The following MAP1B variants were observed in gnomAD, a reference collection of about 807,000 sequenced individuals.
MAP1B encodes the protein microtubule associated protein 1B, also known as microtubule-associated protein 1B.
A neutral mutation model predicts 176.1 loss-of-function variants in MAP1B; 12 were observed. That is an observed-to-expected ratio of 0.07 (90% confidence interval 0.04 to 0.11). The LOEUF (loss-of-function observed/expected upper bound fraction) is 0.11, where lower values mean the gene tolerates loss of function less well. Among genes scored for constraint, MAP1B ranks in the 10% least tolerant of loss-of-function variants. The pLI is 1.00. For missense variants in MAP1B, 2,523 were observed against 2,990.5 expected, an observed-to-expected ratio of 0.84 and a Z score of 3.65; for synonymous variants, 1,044 against 1,135.0, an observed-to-expected ratio of 0.92 and a Z score of 1.61.
intron 5 of MAP1B, 148 bp downstream of exon 5, chr5:72,200,515 A>T: frequency 9.8e-7 from 1 of 1,022,744 alleles, no homozygotes; most frequent in South Asian, 1.6e-5. Context: ...TCCTCTGCCC[A>T]AAGGTATATA....
chr5:72,123,883 C>T (rs905408001), intron 2 of MAP1B, among the ~76,000 whole-genome samples: 3 of 152,122 alleles, frequency 2.0e-5, no homozygotes, highest in African/African-American at 2.4e-5. Context: ...CTCCTGCCCC[C>T]ACTTCCCAAA....
chr5:72,109,479 G>T (rs1745270513), intron 1 of MAP1B, among the ~76,000 whole-genome samples: 1 of 152,138 alleles, frequency 6.6e-6, no homozygotes, highest in Non-Finnish European at 1.5e-5. Context: ...AATGACTTTG[G>T]ATTTTTTTCT....
At chr5:72,162,593 T>TAAAAAAAAATA (rs1554053473) in intron 2 of MAP1B, among the ~76,000 whole-genome samples, 10 of 151,572 alleles carry the variant, frequency 6.6e-5, no homozygotes, top group African/African-American at 2.4e-4. Context: ...GAAATATTTC[T>TAAAAAAAAATA]AAAAAAAAAT....
rs779726177 is a variant in MAP1B at position 72,200,323 on chromosome 5, C to T, written c.6968C>T (p.Ala2323Val). 1.9e-6 allele frequency: 3 copies of T among 1,614,150 alleles called. No homozygotes were observed. The Admixed American group carries it at 5.0e-5, about 27-fold the overall frequency. The stretch of plus-strand genomic sequence containing the variant: ...GAGAAAGACAAGGAGACCAAGAATG[C>T]TGCCAATGCCTCTGCATCCAAGTCG... ...GEEKDKETKN[A>V]ANASASKSAK... Residue 2323 changes from alanine to valine, a missense_variant, in exon 5 of 7, where the codon GCT becomes GTT. Ala to Val is a moderately conservative substitution (Grantham distance 64). Around this residue, in one of 4 missense-constraint regions of MAP1B, gnomAD observed 287 missense variants for 401.5 expected, o/e 0.71. Transcript: ENST00000296755.
chr5:72,158,666 G>C (rs1439030863), intron 2 of MAP1B, among the ~76,000 whole-genome samples: 1 of 152,166 alleles, frequency 6.6e-6, no homozygotes, highest in Non-Finnish European at 1.5e-5. Context: ...CAAATCCTGG[G>C]CTCAGTGGAA....
chr5:72,204,275 C>G lies in MAP1B; in HGVS notation c.7251+474C>G, dbSNP rs1042610878. On this transcript the variant is annotated intron_variant, in intron 6 of 6. Coordinates refer to ENST00000296755, the MANE Select transcript of MAP1B (RefSeq NM_005909.5). This position sits in a 1 kb window ranked among gnomAD's most constrained non-coding sequence, Gnocchi z 4.4. The stretch of plus-strand genomic sequence containing the variant: ...GCAGGAGCATTGCTGAATATAGTCC[C>G]TCACAGGACACTCCCAACTCCCAAA... Among the ~76,000 whole-genome samples the G allele has an allele frequency of 6.6e-6, 1 of 152,158 alleles. No homozygotes were observed. The highest frequency in any genetic ancestry group is 2.4e-5 in the African/African-American group (1 of 41,424).
Position 72,195,605 on chromosome 5 carries a change from A to T in MAP1B, c.2250A>T (p.Lys750Asn). Residue 750 changes from lysine (K) to asparagine (N), a missense_variant, in exon 5 of 7, where the codon AAA becomes AAT. Lys to Asn is a moderately conservative substitution (Grantham distance 94). This residue lies in a region of MAP1B where 1,925 missense variants were observed against 2,126.0 expected (regional missense o/e 0.91). Coordinates refer to ENST00000296755, the MANE Select transcript of MAP1B (RefSeq NM_005909.5). ...CATCTACTCCTCTGTCTGAAGCAAA[A>T]AAACCAGCTGCTTTAAAACCAAAAG... ...KKSSTPLSEA[K>N]KPAALKPKVP... The T allele has an allele frequency of 2.5e-6, 4 of 1,614,236 alleles. No individual in the cohort carries two copies. Among genetic ancestry groups the T allele is most frequent in the Non-Finnish European group, 3.4e-6 (4 of 1,180,040 alleles).
intron 2 of MAP1B, among the ~76,000 whole-genome samples, chr5:72,150,695 C>A (rs911689081): frequency 6.6e-6 from 1 of 152,160 alleles, no homozygotes; most frequent in Admixed American, 6.5e-5. Context: ...TTGTTCCCCT[C>A]GATGTGTCCA....
intron 2 of MAP1B, among the ~76,000 whole-genome samples, chr5:72,162,477 A>T (rs1746345141): frequency 6.6e-6 from 1 of 152,040 alleles, no homozygotes; most frequent in South Asian, 2.1e-4. Flanking sequence ...AACGAAAGAC[A>T]TCCTGAAAAA....
chr5:72,185,608 G>GA (rs70999268), intron 3 of MAP1B, among the ~76,000 whole-genome samples: 191 of 134,960 alleles, frequency 1.4e-3, no homozygotes, highest in Middle Eastern at 3.7e-3. Flanking sequence ...CTCAAAAGGA[G>GA]AAAAAAAAAA....
At chr5:72,160,252 T>C (rs935569966) in intron 2 of MAP1B, among the ~76,000 whole-genome samples, 1 of 152,218 alleles carries the variant, frequency 6.6e-6, no homozygotes, top group African/African-American at 2.4e-5. Flanking sequence ...AAAAAAACTT[T>C]CTGTATTCAT....
At position 72,198,503 on chromosome 5, in the gene MAP1B, T is replaced by A. The variant is rs773753951; in HGVS notation, c.5148T>A (p.Asp1716Glu). 4 of 1,613,974 alleles carry A rather than the reference T, an allele frequency of 2.5e-6. No homozygotes were observed. The highest frequency in any genetic ancestry group is 1.6e-4 in the Middle Eastern group (1 of 6,062). The change falls in exon 5 of 7, where the codon GAT (aspartate) becomes GAA (glutamate). Residue 1716 changes from aspartate (D) to glutamate (E), a missense_variant. Asp to Glu is a conservative substitution (Grantham distance 45, BLOSUM62 2). Transcript: ENST00000296755. ...MEEPSYTQDN[D>E]LSELISVSQV... ...AGCCGTCCTACACCCAAGATAATGA[T>A]CTTTCTGAGCTCATCTCAGTATCTC...
At chr5:72,147,437 C>T (rs757044857) in intron 2 of MAP1B, among the ~76,000 whole-genome samples, 16 of 151,088 alleles carry the variant, frequency 1.1e-4, no homozygotes, top group South Asian at 2.1e-4. Context: ...AGGTAATATG[C>T]GTCACTGGAT....
chr5:72,133,463 A>G (rs1402279325), intron 2 of MAP1B, among the ~76,000 whole-genome samples: 1 of 152,160 alleles, frequency 6.6e-6, no homozygotes, highest in East Asian at 1.9e-4. Context: ...GAGTGTGTCA[A>G]AAACTTTCCA....
At chr5:72,111,115 C>T (rs1165050066) in intron 1 of MAP1B, among the ~76,000 whole-genome samples, 4 of 152,162 alleles carry the variant, frequency 2.6e-5, no homozygotes, top group Admixed American at 1.3e-4. Flanking sequence ...TTTCTCCTCC[C>T]TAATTAGCCC....
At chr5:72,176,974 G>C (rs2112201799) in intron 2 of MAP1B, among the ~76,000 whole-genome samples, 1 of 152,302 alleles carries the variant, frequency 6.6e-6, no homozygotes, top group South Asian at 2.1e-4. Flanking sequence ...TACTTCCCTG[G>C]AGACAGATTC....
intron 1 of MAP1B, among the ~76,000 whole-genome samples, chr5:72,111,909 A>G (rs562891099): frequency 3.9e-5 from 6 of 152,226 alleles, no homozygotes; most frequent in Non-Finnish European, 8.8e-5. Context: ...GTAAGATATT[A>G]TCGTCATTAC....
At chr5:72,131,100 T>C (rs1172714052) in intron 2 of MAP1B, among the ~76,000 whole-genome samples, 1 of 152,164 alleles carries the variant, frequency 6.6e-6, no homozygotes, top group Non-Finnish European at 1.5e-5. Context: ...CATGGAGCTC[T>C]CAGTCAAGGT....
At position 72,194,687 on chromosome 5, in the gene MAP1B, C is replaced by G; in HGVS notation, c.1332C>G (p.Thr444=). The G allele has an allele frequency of 6.2e-7, 1 of 1,614,178 alleles. No homozygotes were observed. ...MQYFMQQWTG[T]NKDKAEFILP... is the part of the protein sequence containing the mutation. ...ATTTTATGCAGCAGTGGACTGGTAC[C>G]AACAAAGACAAGGCTGAATTCATTC... The change falls in exon 5 of 7, where the codon ACC becomes ACG. Residue 444 remains threonine, a synonymous_variant. Coordinates refer to ENST00000296755, the MANE Select transcript of MAP1B (RefSeq NM_005909.5). The surrounding 1 kb of genome is among the most constrained non-coding windows in gnomAD (Gnocchi z 7.2).
Sources: gnomAD v4.1 joint callset for allele counts (sites outside exome capture counted in the v4.1 genomes callset) on GRCh38, gnomAD v4.1.1 for gene constraint, gnomAD v4.1.1 regional missense constraint, Gnocchi (gnomAD v3.1) non-coding constraint, MANE v1.5 for transcripts, NCBI Gene and HGNC (gene_info 2026-07-23, HGNC 2026-07-21) for gene names.